Variants in PTPRD observed in about 807,000 individuals in gnomAD.
The protein encoded by PTPRD is protein tyrosine phosphatase receptor type D, also known as receptor-type tyrosine-protein phosphatase delta.
In PTPRD, 34 loss-of-function variants were observed where a neutral mutation model predicts 214.5. That is an observed-to-expected ratio of 0.16 (90% CI 0.12 to 0.21). PTPRD has a LOEUF of 0.21. Ranked by LOEUF, PTPRD falls within the 10% of genes least tolerant of loss-of-function variation. PTPRD has a pLI of 1.00. For missense variants in PTPRD, 2,545 were observed against 2,398.7 expected (o/e 1.06, Z -1.27); for synonymous variants, 1,128 against 845.7 (o/e 1.33, Z -5.79).
intron 10 of PTPRD, among the ~76,000 whole-genome samples, chr9:9,026,037 G>C (rs573591043): frequency 3.1e-4 from 47 of 151,906 alleles, no homozygotes; most frequent in Admixed American, 1.1e-3. Flanking sequence ...GATAATTTCA[G>C]TGAGAACTAA....
intron 2 of PTPRD, among the ~76,000 whole-genome samples, chr9:10,532,615 TTAGA>T (rs2056684961): frequency 6.8e-6 from 1 of 147,724 alleles, no homozygotes; most frequent in South Asian, 2.1e-4. Flanking sequence ...CCTATATATA[TTAGA>T]TATTTATATA....
At chr9:9,852,543 A>G (rs1313182528) in intron 5 of PTPRD, among the ~76,000 whole-genome samples, 1 of 152,142 alleles carries the variant, frequency 6.6e-6, no homozygotes, top group Non-Finnish European at 1.5e-5. Flanking sequence ...CTAGAGTTAT[A>G]TAGAAATATG....
At chr9:8,707,722 G>A (rs533506670) in intron 12 of PTPRD, among the ~76,000 whole-genome samples, 3 of 152,148 alleles carry the variant, frequency 2.0e-5, no homozygotes, top group South Asian at 4.1e-4. Context: ...TCCTACTATT[G>A]GGTTTAACCA....
intron 14 of PTPRD, among the ~76,000 whole-genome samples, chr9:8,576,194 G>A (rs902878028): frequency 8.6e-5 from 13 of 151,966 alleles, no homozygotes; most frequent in Non-Finnish European, 1.5e-4. Context: ...CCAATTGTTG[G>A]CATAGAATAC....
intron 11 of PTPRD, among the ~76,000 whole-genome samples, chr9:8,833,057 C>T (rs1368382751): frequency 1.3e-5 from 2 of 151,906 alleles, no homozygotes; most frequent in Non-Finnish European, 2.9e-5. Context: ...CTTCTGTGTG[C>T]GACCCAGAAA....
At chr9:9,332,325 A>G (rs1016606057) in intron 9 of PTPRD, among the ~76,000 whole-genome samples, 6 of 151,980 alleles carry the variant, frequency 3.9e-5, no homozygotes, top group African/African-American at 1.4e-4. Flanking sequence ...TACACTCACA[A>G]TGCAGATAGC....
intron 9 of PTPRD, among the ~76,000 whole-genome samples, chr9:9,317,228 G>A (rs760354167): frequency 1.4e-4 from 21 of 152,028 alleles, no homozygotes; most frequent in South Asian, 2.1e-4. Context: ...TCCAAGAATG[G>A]CATTACTCAT....
At position 8,480,957 on chromosome 9, in the gene PTPRD, G is replaced by GTGAAA. The variant is rs558191292; in HGVS notation, c.3413+3157_3413+3161dup. Among the ~76,000 whole-genome samples the GTGAAA allele has an allele frequency of 5.9e-3, 898 of 152,114 alleles. 8 individuals carry two copies. The highest frequency in any genetic ancestry group is 0.02 in the African/African-American group (847 of 41,496). ...GATCGAGACCAACCTGGCTAACATG[G>GTGAAA]TGAAATCCCATTTCTACTAAAAATA... On this transcript the variant is annotated intron_variant, in intron 30 of 45. Transcript: ENST00000381196.
At chr9:10,131,354 G>C (rs2098880729) in intron 3 of PTPRD, among the ~76,000 whole-genome samples, 1 of 152,094 alleles carries the variant, frequency 6.6e-6, no homozygotes, top group African/African-American at 2.4e-5. Context: ...AATTGCAGTA[G>C]TTCAGTGCAC....
At chr9:10,011,113 C>G (rs982927552) in intron 4 of PTPRD, among the ~76,000 whole-genome samples, 1 of 151,920 alleles carries the variant, frequency 6.6e-6, no homozygotes, top group African/African-American at 2.4e-5. Flanking sequence ...TTCACCACAC[C>G]TTATACCTGT....
At chr9:9,798,892 C>G (rs1430702972) in intron 5 of PTPRD, among the ~76,000 whole-genome samples, 3 of 152,054 alleles carry the variant, frequency 2.0e-5, no homozygotes, top group Non-Finnish European at 4.4e-5. Context: ...AATCTCTAAT[C>G]CTGAGACATA....
intron 11 of PTPRD, among the ~76,000 whole-genome samples, chr9:8,820,899 T>G (rs10115341): frequency 6.6e-6 from 1 of 152,018 alleles, no homozygotes; most frequent in Non-Finnish European, 1.5e-5. Context: ...AGTCTACTTA[T>G]TTTTCTAACT....
In PTPRD at chr9:9,436,847, A is replaced by G. The variant is rs567240795; in HGVS notation, c.-236-39365T>C. Among the ~76,000 whole-genome samples, 7 of 151,834 alleles carry G rather than the reference A, an allele frequency of 4.6e-5. No individual in the cohort carries two copies. The South Asian group carries it at 1.5e-3, about 32-fold the overall frequency. ...TTCCTGGAGACTTCAGGCTGGTGTT[A>G]TCTGTCTCTTTTTGCTTATATACCA... On this transcript the variant is annotated intron_variant, in intron 8 of 45. Coordinates refer to ENST00000381196, the MANE Select transcript of PTPRD (RefSeq NM_002839.4).
chr9:10,124,762 C>T (rs1208076863), intron 3 of PTPRD, among the ~76,000 whole-genome samples: 5 of 152,144 alleles, frequency 3.3e-5, no homozygotes, highest in African/African-American at 1.2e-4. Flanking sequence ...GCACTCTGCT[C>T]TTAATGTATT....
At position 8,555,710 on chromosome 9, in the gene PTPRD, C is replaced by G. The variant is rs115769583; in HGVS notation, c.353-26931G>C. 6.8e-3 allele frequency among the ~76,000 whole-genome samples: 1,040 copies of G among 152,272 alleles called. 10 individuals are homozygous for G. The highest frequency in any genetic ancestry group is 0.024 in the African/African-American group (999 of 41,554). On this transcript the variant is annotated intron_variant, in intron 14 of 45. Transcript: ENST00000381196. ...GCAGTTTCCTATAGTCAGGCAGGGA[C>G]AATGAGGATGTCAATGAAATCTGAA...
chr9:10,019,213 A>G (rs973389448), intron 4 of PTPRD, among the ~76,000 whole-genome samples: 1 of 152,104 alleles, frequency 6.6e-6, no homozygotes, highest in Non-Finnish European at 1.5e-5. Flanking sequence ...AATGCAAATC[A>G]AAACCACAGT....
At chr9:9,340,807 T>C (rs1474647685) in intron 9 of PTPRD, among the ~76,000 whole-genome samples, 1 of 152,196 alleles carries the variant, frequency 6.6e-6, no homozygotes, top group Non-Finnish European at 1.5e-5. Context: ...AAAATAAATT[T>C]CATTGACAAA....
intron 9 of PTPRD, among the ~76,000 whole-genome samples, chr9:9,371,828 G>C (rs1427849774): frequency 6.6e-6 from 1 of 152,076 alleles, no homozygotes; most frequent in Non-Finnish European, 1.5e-5. Context: ...GTTCTCGTTT[G>C]TTTCAAAGAA....
At chr9:10,535,033 A>ATT in intron 2 of PTPRD, among the ~76,000 whole-genome samples, 1 of 152,316 alleles carries the variant, frequency 6.6e-6, no homozygotes, top group Admixed American at 6.5e-5. Flanking sequence ...TGCTATAAAC[A>ATT]AAGAGTTGTT....
Sources: allele counts gnomAD v4.1 joint callset (sites outside exome capture counted in the v4.1 genomes callset), GRCh38; gene constraint gnomAD v4.1.1; transcripts MANE v1.5; gene names NCBI Gene and HGNC (gene_info 2026-07-23, HGNC 2026-07-21).